Variants in ACOT11 observed in about 807,000 individuals in gnomAD.
ACOT11 encodes the protein acyl-coenzyme A thioesterase 11.
In ACOT11, 69 loss-of-function variants were observed where a neutral mutation model predicts 77.5. That is an observed-to-expected ratio of 0.89 (90% confidence interval 0.73 to 1.09). ACOT11 has a LOEUF of 1.09. ACOT11 is among the 50% of genes least tolerant of loss of function. ACOT11 has a pLI of 0.00. For missense variants in ACOT11, 766 were observed against 813.7 expected, an observed-to-expected ratio of 0.94 and a Z score of 0.71; for synonymous variants, 279 against 313.0, an observed-to-expected ratio of 0.89 and a Z score of 1.15.
At chr1:54,625,395 TC>T (rs1306161161) in intron 15 of ACOT11, among the ~76,000 whole-genome samples, 1 of 151,948 alleles carries the variant, frequency 6.6e-6, no homozygotes, top group Admixed American at 6.6e-5. Context: ...TTTTTGTGAG[TC>T]CCCTTTCTTA....
chr1:54,611,083 C>T, downstream of ACOT11: 1 of 927,404 alleles, frequency 1.1e-6, no homozygotes, highest in Non-Finnish European at 1.3e-6. Flanking sequence ...GTATAAATTC[C>T]TGAACTGTTT....
intron 1 of ACOT11, among the ~76,000 whole-genome samples, chr1:54,551,402 C>T (rs1249464843): frequency 6.6e-6 from 1 of 152,154 alleles, no homozygotes; most frequent in Non-Finnish European, 1.5e-5. Flanking sequence ...CTGCCACGCT[C>T]GGGGCTGGGA....
In ACOT11 at chr1:54,601,365, C is replaced by A. The variant is rs753971284; in HGVS notation, c.981C>A (p.Asp327Glu). The part of the protein sequence containing the change: ...NSAFMTFVVL[D>E]ADDQPQLLPW... ...CCTTTATGACCTTTGTGGTCCTGGA[C>A]GCAGATGACCAGCCCCAGTTGCTGC... is the stretch of plus-strand genomic sequence containing the variant. The change falls in exon 9 of 16, where the codon GAC becomes GAA. Residue 327 changes from aspartate (D) to glutamate (E), a missense_variant. Physicochemically the swap from Asp to Glu is conservative, Grantham distance 45. Transcript: ENST00000343744. 2 of 1,613,534 alleles carry A rather than the reference C, an allele frequency of 1.2e-6. No individual in the cohort carries two copies. Among genetic ancestry groups the A allele is most frequent in the Non-Finnish European group, 1.7e-6 (2 of 1,179,998 alleles).
At chr1:54,631,472 G>C (rs1329336291) in intron 16 of ACOT11, among the ~76,000 whole-genome samples, 1 of 152,186 alleles carries the variant, frequency 6.6e-6, no homozygotes, top group Non-Finnish European at 1.5e-5. Context: ...ACTTGAGCTT[G>C]TGTAACTCCT....
downstream of ACOT11, chr1:54,610,381 G>A (rs1644104080): frequency 6.2e-7 from 1 of 1,606,732 alleles, no homozygotes; most frequent in African/African-American, 1.3e-5. Flanking sequence ...CAGATGAGCT[G>A]GGAGCACCGG....
chr1:54,610,480 C>T (rs763594584), downstream of ACOT11: 3 of 1,501,740 alleles, frequency 2.0e-6, no homozygotes, highest in Non-Finnish European at 2.8e-6. Context: ...CACATTCAGA[C>T]CGTCATCCCC....
intron 1 of ACOT11, chr1:54,582,522 G>A (rs1381631003): frequency 9.1e-6 from 9 of 985,408 alleles, no homozygotes; most frequent in Non-Finnish European, 8.4e-6. Context: ...CCGTGGCATA[G>A]GGTCCAACAG....
chr1:54,614,626 T>G, downstream of ACOT11: 1 of 1,485,444 alleles, frequency 6.7e-7, no homozygotes, highest in Non-Finnish European at 9.1e-7. Context: ...AGAGGTCCCC[T>G]AAGATCCCCA....
chr1:54,561,082 A>AT (rs1366907472), intron 1 of ACOT11, among the ~76,000 whole-genome samples: 4 of 20,224 alleles, frequency 2.0e-4, no homozygotes, highest in East Asian at 6.9e-4. Flanking sequence ...CTGATTTTTT[A>AT]TTTTTTTTAT....
At chr1:54,595,878 C>T (rs981921871) in intron 6 of ACOT11, among the ~76,000 whole-genome samples, 1 of 152,188 alleles carries the variant, frequency 6.6e-6, no homozygotes, top group African/African-American at 2.4e-5. Context: ...AAGAAAATCT[C>T]CCCGGAGTGG....
intron 1 of ACOT11, among the ~76,000 whole-genome samples, chr1:54,563,213 C>T (rs1361567224): frequency 6.6e-6 from 1 of 152,258 alleles, no homozygotes; most frequent in Non-Finnish European, 1.5e-5. Flanking sequence ...TCTTGAACTC[C>T]TGGCCTCAAG....
intron 1 of ACOT11, among the ~76,000 whole-genome samples, chr1:54,553,749 C>T (rs1249225815): frequency 6.6e-6 from 1 of 152,130 alleles, no homozygotes; most frequent in Non-Finnish European, 1.5e-5. Context: ...TAAGATCTCT[C>T]CATCCCCCCA....
chr1:54,632,866 G>A (rs569544439), intron 16 of ACOT11, among the ~76,000 whole-genome samples: 3 of 152,254 alleles, frequency 2.0e-5, no homozygotes, highest in African/African-American at 7.2e-5. Flanking sequence ...ATATTGCATT[G>A]TGAGGGGCCC....
chr1:54,561,936 G>T (rs1374183021), intron 1 of ACOT11, among the ~76,000 whole-genome samples: 1 of 93,714 alleles, frequency 1.1e-5, no homozygotes, highest in African/African-American at 6.2e-5. Flanking sequence ...CCTCCCTCCC[G>T]GACGGGGCGG....
chr1:54,573,137 C>G (rs1338115872), intron 1 of ACOT11: 10 of 985,314 alleles, frequency 1.0e-5, no homozygotes, highest in Middle Eastern at 5.2e-4. Flanking sequence ...GGGTCCTGGC[C>G]TAGCATGTCT....
At chr1:54,621,396 G>T (rs1327339708) in intron 15 of ACOT11, 1 of 152,284 alleles carries the variant, frequency 6.6e-6, no homozygotes, top group South Asian at 2.1e-4. Flanking sequence ...GGCGGAGGTT[G>T]CACTGAACCC....
chr1:54,612,531 C>T (rs374920979), downstream of ACOT11: 23 of 1,613,996 alleles, frequency 1.4e-5, no homozygotes, highest in South Asian at 7.7e-5. Context: ...CCAGGCAGCC[C>T]GCACCATGGA....
At chr1:54,632,307 G>A (rs920637890) in intron 16 of ACOT11, among the ~76,000 whole-genome samples, 11 of 152,092 alleles carry the variant, frequency 7.2e-5, no homozygotes, top group South Asian at 2.1e-4. Flanking sequence ...TGCCACAGCC[G>A]GTAGTGCTGC....
At chr1:54,552,393 A>G (rs1653101782) in intron 1 of ACOT11, among the ~76,000 whole-genome samples, 1 of 152,170 alleles carries the variant, frequency 6.6e-6, no homozygotes, top group Non-Finnish European at 1.5e-5. Flanking sequence ...TCCTGGAGGA[A>G]GAGGTGAGAC....
Sources: gnomAD v4.1 joint callset for allele counts (sites outside exome capture counted in the v4.1 genomes callset) on GRCh38, gnomAD v4.1.1 for gene constraint, MANE v1.5 for transcripts, NCBI Gene and HGNC (gene_info 2026-07-23, HGNC 2026-07-21) for gene names.